DMD: variants seen among roughly 807,000 people sequenced by gnomAD.
DMD encodes the protein dystrophin, also known as mutant dystrophin.
A neutral mutation model predicts 330.1 loss-of-function variants in DMD; 63 were observed. That is an observed-to-expected ratio of 0.19 (90% confidence interval 0.16 to 0.24). The LOEUF (loss-of-function observed/expected upper bound fraction) is 0.24. DMD is among the 10% of genes least tolerant of loss of function. DMD has a pLI of 1.00. For synonymous variants in DMD, 1,223 were observed against 959.8 expected, an observed-to-expected ratio of 1.27 and a Z score of -5.07; for missense variants, 3,344 against 2,684.1, an observed-to-expected ratio of 1.25 and a Z score of -5.43.
At chrX:31,655,429 T>C (rs1440718412) in intron 54 of DMD, among the ~76,000 whole-genome samples, 1 of 111,233 alleles carries the variant, frequency 9.0e-6, no homozygotes, top group Non-Finnish European at 1.9e-5. Flanking sequence ...ATTGCACTTT[T>C]GAGTTTATGC....
At chrX:32,040,479 C>T (rs1410226295) in intron 44 of DMD, among the ~76,000 whole-genome samples, 4 of 111,688 alleles carry the variant, frequency 3.6e-5, no homozygotes, top group South Asian at 3.7e-4. Context: ...CATTTAAAAC[C>T]GTAGCTAAAG....
intron 2 of DMD, among the ~76,000 whole-genome samples, chrX:32,883,823 C>CCAAAAAAA (rs1169678184): frequency 6.6e-5 from 2 of 30,352 alleles, no homozygotes; most frequent in African/African-American, 2.9e-4. Flanking sequence ...GACTCTGTTT[C>CCAAAAAAA]AAAAAAAAAA....
intron 11 of DMD, among the ~76,000 whole-genome samples, chrX:32,615,034 C>T (rs112314309): frequency 0.028 from 3,142 of 110,984 alleles, 106 homozygotes; most frequent in African/African-American, 0.083. Flanking sequence ...CATTAGAGAC[C>T]ATATAGGAGT....
rs1425521450 is a variant in DMD at position 31,363,876 on chromosome X, C to A, written c.9085-15242G>T. 2.5e-4 allele frequency among the ~76,000 whole-genome samples: 28 copies of A among 112,414 alleles called. No homozygotes were observed. In the Admixed American group the frequency reaches 2.6e-3, roughly 11 times the overall value. The stretch of plus-strand genomic sequence containing the variant: ...AAAATGTCTCCAGAAATTGCCATGT[C>A]CCCTGGGGGACAGACTTGCTCTTGG... On this transcript the variant is annotated intron_variant, in intron 60 of 78. Coordinates refer to ENST00000357033, the MANE Select transcript of DMD (RefSeq NM_004006.3).
At chrX:32,146,623 A>C (rs977188673) in intron 44 of DMD, among the ~76,000 whole-genome samples, 1 of 112,164 alleles carries the variant, frequency 8.9e-6, no homozygotes, top group Non-Finnish European at 1.9e-5. Flanking sequence ...GCAAGTGTTA[A>C]GTATTTTTCA....
intron 53 of DMD, among the ~76,000 whole-genome samples, chrX:31,669,356 T>A: frequency 8.9e-6 from 1 of 112,416 alleles, no homozygotes; most frequent in Middle Eastern, 4.6e-3. Context: ...ATTTCCCCAA[T>A]GATTAGTGAT....
At chrX:31,375,100 G>C (rs963308769) in intron 60 of DMD, among the ~76,000 whole-genome samples, 2 of 111,923 alleles carry the variant, frequency 1.8e-5, no homozygotes, top group Non-Finnish European at 3.8e-5. Context: ...TTATTGGGAC[G>C]CTAAGCTTGT....
At chrX:32,313,185 A>T (rs1455036006) in intron 41 of DMD, among the ~76,000 whole-genome samples, 2 of 110,522 alleles carry the variant, frequency 1.8e-5, no homozygotes, top group Non-Finnish European at 3.8e-5. Context: ...GTAGCACATT[A>T]AAAAGCATAT....
chrX:32,460,761 C>A (rs2098380516), intron 25 of DMD, among the ~76,000 whole-genome samples: 1 of 111,629 alleles, frequency 9.0e-6, no homozygotes, highest in African/African-American at 3.3e-5. Context: ...ACTCTACTGA[C>A]TACCCAATAG....
chrX:32,457,619 T>C (rs758935662), intron 25 of DMD, among the ~76,000 whole-genome samples: 1 of 110,060 alleles, frequency 9.1e-6, no homozygotes, highest in Non-Finnish European at 1.9e-5. Context: ...AAAGGGAAAG[T>C]AGAGTCTGTG....
At chrX:31,766,113 T>TA (rs1444620394) in intron 51 of DMD, among the ~76,000 whole-genome samples, 33 of 109,324 alleles carry the variant, frequency 3.0e-4, no homozygotes, top group Admixed American at 1.6e-3. Flanking sequence ...TTCAGAAAAT[T>TA]AAAAAAAAAC....
chrX:32,788,707 A>ATT (rs2075597689), intron 7 of DMD, among the ~76,000 whole-genome samples: 1 of 107,730 alleles, frequency 9.3e-6, no homozygotes, highest in African/African-American at 3.7e-5. Context: ...AATTCAACCT[A>ATT]TTTATGGCAT....
At chrX:33,064,988 T>C (rs181417606) in intron 1 of DMD, among the ~76,000 whole-genome samples, 1 of 112,394 alleles carries the variant, frequency 8.9e-6, no homozygotes, top group African/African-American at 3.2e-5. Context: ...CAAAGGTCTC[T>C]ACTTCTCAGA....
At chrX:31,766,870 A>ATT (rs1556874989) in intron 51 of DMD, among the ~76,000 whole-genome samples, 2 of 64,699 alleles carry the variant, frequency 3.1e-5, no homozygotes, top group African/African-American at 1.2e-4. Flanking sequence ...AGAAAATATG[A>ATT]TTTTGTGTGT....
chrX:31,172,217 T>A (rs2040065765), intron 73 of DMD, 131 bp downstream of exon 73: 8 of 544,646 alleles, frequency 1.5e-5, no homozygotes, highest in Non-Finnish European at 2.2e-5. Context: ...AGGAAAAAAG[T>A]AAATGAATGG....
chrX:32,935,482 A>C (rs1044265877), intron 2 of DMD, among the ~76,000 whole-genome samples: 1 of 112,074 alleles, frequency 8.9e-6, no homozygotes, highest in African/African-American at 3.2e-5. Context: ...TCATATTCTT[A>C]CATGTGATCA....
intron 43 of DMD, among the ~76,000 whole-genome samples, chrX:32,233,599 T>TTTCATTTA (rs1557228748): frequency 8.0e-5 from 7 of 87,960 alleles, no homozygotes; most frequent in Non-Finnish European, 1.4e-4. Flanking sequence ...TTTCTTTTTC[T>TTTCATTTA]TTTATTTATT....
chrX:32,241,302 C>A (rs968673325), intron 43 of DMD, among the ~76,000 whole-genome samples: 1 of 112,067 alleles, frequency 8.9e-6, no homozygotes, highest in Non-Finnish European at 1.9e-5. Context: ...TCTTGCACTG[C>A]AATGTTACTG....
At chrX:32,911,368 T>C (rs932809496) in intron 2 of DMD, among the ~76,000 whole-genome samples, 1 of 111,827 alleles carries the variant, frequency 8.9e-6, no homozygotes, top group Non-Finnish European at 1.9e-5. Flanking sequence ...CCATAACATG[T>C]TCTGATTTCT....
Sources: allele counts gnomAD v4.1 joint callset (sites outside exome capture counted in the v4.1 genomes callset), GRCh38; gene constraint gnomAD v4.1.1; transcripts MANE v1.5; gene names NCBI Gene and HGNC (gene_info 2026-07-23, HGNC 2026-07-21).